The following OXR1 variants were observed in gnomAD, a reference collection of about 807,000 sequenced individuals.
OXR1 encodes oxidation resistance 1.
In OXR1, 41 loss-of-function variants were observed where a neutral mutation model predicts 104.6. The observed-to-expected ratio is 0.39, with a 90% confidence interval of 0.31 to 0.51. The LOEUF is 0.51. Among genes scored for constraint, OXR1 ranks in the 20% least tolerant of loss-of-function variants. The probability of loss-of-function intolerance (pLI) is 0.77; values close to 1 mark genes in which losing one functional copy is unlikely to be tolerated. For missense variants in OXR1, 955 were observed against 1,031.9 expected, an observed-to-expected ratio of 0.93 and a Z score of 1.02; for synonymous variants, 348 against 348.4, an observed-to-expected ratio of 1.00 and a Z score of 0.01.
intron 3 of OXR1, among the ~76,000 whole-genome samples, chr8:106,562,922 A>G (rs577655827): frequency 3.9e-5 from 6 of 152,226 alleles, no homozygotes; most frequent in Non-Finnish European, 8.8e-5. Context: ...GCAAATGCTG[A>G]GAGATTTTGC....
At chr8:106,572,281 C>T (rs1468359641) in intron 3 of OXR1, among the ~76,000 whole-genome samples, 3 of 152,140 alleles carry the variant, frequency 2.0e-5, no homozygotes, top group South Asian at 4.1e-4. Flanking sequence ...TGGTAATGAC[C>T]CCTATGGTAT....
At chr8:106,515,348 G>T (rs769719355) in intron 2 of OXR1, among the ~76,000 whole-genome samples, 3 of 151,906 alleles carry the variant, frequency 2.0e-5, no homozygotes, top group Non-Finnish European at 4.4e-5. Flanking sequence ...AGCAGTTTTC[G>T]AAATACACTA....
chr8:106,386,363 G>A (rs1280930735), intron 2 of OXR1, among the ~76,000 whole-genome samples: 1 of 152,148 alleles, frequency 6.6e-6, no homozygotes, highest in Admixed American at 6.6e-5. Flanking sequence ...TCTGAATAGG[G>A]TAGAGAGGAG....
chr8:106,408,314 T>C lies in OXR1; in HGVS notation c.23+48678T>C, dbSNP rs534158575. Among the ~76,000 whole-genome samples the C allele has an allele frequency of 1.7e-3, 253 of 152,268 alleles. 3 individuals are homozygous for C. The highest frequency in any genetic ancestry group is 5.3e-4 in the Non-Finnish European group (36 of 68,008). The stretch of plus-strand genomic sequence containing the variant: ...TTAATTCAAAGGTGTGTTTTTTTTT[T>C]CCCACTGCTCTTGCAATTTTTAAAA... On this transcript the variant is annotated intron_variant, in intron 2 of 16. Transcript: ENST00000517566.
chr8:106,490,515 C>T (rs1172348614), intron 2 of OXR1, among the ~76,000 whole-genome samples: 1 of 151,954 alleles, frequency 6.6e-6, no homozygotes, highest in African/African-American at 2.4e-5. Flanking sequence ...TGCGCCACCA[C>T]ACCCAGCTAA....
intron 2 of OXR1, among the ~76,000 whole-genome samples, chr8:106,507,367 A>C (rs1482642110): frequency 6.6e-6 from 1 of 152,238 alleles, no homozygotes; most frequent in Non-Finnish European, 1.5e-5. Context: ...AAGATCCCAT[A>C]ATAAGAAGGC....
intron 3 of OXR1, among the ~76,000 whole-genome samples, chr8:106,541,099 T>G (rs1586782164): frequency 6.6e-6 from 1 of 152,210 alleles, no homozygotes; most frequent in Non-Finnish European, 1.5e-5. Context: ...TAAAAAGATA[T>G]TCTCTATATC....
intron 2 of OXR1, among the ~76,000 whole-genome samples, chr8:106,373,050 A>G (rs954490161): frequency 1.3e-5 from 2 of 152,228 alleles, no homozygotes; most frequent in Non-Finnish European, 2.9e-5. Context: ...CACAGCAAGT[A>G]CTATGTTGAA....
chr8:106,514,785 T>C (rs1812756204), intron 2 of OXR1, among the ~76,000 whole-genome samples: 1 of 152,072 alleles, frequency 6.6e-6, no homozygotes, highest in African/African-American at 2.4e-5. Flanking sequence ...TTTCTGGTGA[T>C]AAAATAATCT....
At chr8:106,662,793 TATC>T (rs1409099583) in intron 3 of OXR1, among the ~76,000 whole-genome samples, 2 of 152,014 alleles carry the variant, frequency 1.3e-5, no homozygotes, top group African/African-American at 4.8e-5. Context: ...GGGTGTAAAA[TATC>T]ATGTTTTGCT....
intron 2 of OXR1, among the ~76,000 whole-genome samples, chr8:106,488,205 G>C (rs4256569): frequency 0.83 from 105,323 of 126,950 alleles, 43,871 homozygotes; most frequent in African/African-American, 0.89. Context: ...GTGTTTTTTG[G>C]CTGCATAAAT....
intron 3 of OXR1, among the ~76,000 whole-genome samples, chr8:106,525,819 C>T (rs957732512): frequency 3.9e-5 from 6 of 152,222 alleles, no homozygotes; most frequent in South Asian, 2.1e-4. Flanking sequence ...ATCAACCTCT[C>T]CCTTTTATCC....
intron 13 of OXR1, 94 bp from the exon 14 acceptor site, chr8:106,740,249 A>T (rs1834805477): frequency 1.2e-6 from 1 of 840,002 alleles, no homozygotes. Flanking sequence ...TATAGCCTAT[A>T]TTATATAGGC....
At chr8:106,414,386 C>T (rs73701521) in intron 2 of OXR1, among the ~76,000 whole-genome samples, 153 of 152,068 alleles carry the variant, frequency 1.0e-3, no homozygotes, top group African/African-American at 3.5e-3. Context: ...GAAAGGGAAG[C>T]TAGTGTATAT....
At chr8:106,508,851 A>G (rs992747169) in intron 2 of OXR1, among the ~76,000 whole-genome samples, 1 of 152,176 alleles carries the variant, frequency 6.6e-6, no homozygotes, top group Non-Finnish European at 1.5e-5. Flanking sequence ...TTTTAACTAT[A>G]AACCACTGGA....
chr8:106,626,782 G>A (rs115660865), intron 3 of OXR1, among the ~76,000 whole-genome samples: 2,966 of 150,296 alleles, frequency 0.02, 86 homozygotes, highest in African/African-American at 0.068. Context: ...AAAATTTTGT[G>A]GTTATTATTC....
At chr8:106,325,705 T>A (rs868764954) in intron 1 of OXR1, among the ~76,000 whole-genome samples, 1 of 152,224 alleles carries the variant, frequency 6.6e-6, no homozygotes, top group South Asian at 2.1e-4. Flanking sequence ...GATTTATATT[T>A]TTCACTCAGA....
At chr8:106,275,972 G>GA (rs1812020515) in intron 1 of OXR1, among the ~76,000 whole-genome samples, 1 of 151,898 alleles carries the variant, frequency 6.6e-6, no homozygotes, top group African/African-American at 2.4e-5. Flanking sequence ...TTCATCTTAA[G>GA]AAAAAAAATA....
intron 11 of OXR1, among the ~76,000 whole-genome samples, chr8:106,732,086 G>A (rs950198680): frequency 4.0e-5 from 6 of 151,864 alleles, no homozygotes; most frequent in Non-Finnish European, 5.9e-5. Context: ...TTTTTTTCAC[G>A]TAGATCTCTA....
Sources: gnomAD v4.1 joint callset for allele counts (sites outside exome capture counted in the v4.1 genomes callset) on GRCh38, gnomAD v4.1.1 for gene constraint, MANE v1.5 for transcripts, NCBI Gene and HGNC (gene_info 2026-07-23, HGNC 2026-07-21) for gene names.